CYP27A1: variants seen among roughly 807,000 people sequenced by gnomAD.
The protein encoded by CYP27A1 is cytochrome P450 family 27 subfamily A member 1.
In CYP27A1, 46 loss-of-function variants were observed where a neutral mutation model predicts 58.2. The ratio of observed to expected loss-of-function variants is 0.79; its 90% CI spans 0.62 to 1.01. The LOEUF (loss-of-function observed/expected upper bound fraction) is 1.01, where lower values mean the gene tolerates loss of function less well. Ranked by LOEUF, CYP27A1 falls within the 50% of genes least tolerant of loss-of-function variation. The pLI is 0.00. For synonymous variants in CYP27A1, 274 were observed against 285.1 expected, an observed-to-expected ratio of 0.96 and a Z score of 0.39; for missense variants, 704 against 687.0, an observed-to-expected ratio of 1.02 and a Z score of -0.28.
rs1324313458 is a variant in CYP27A1, at chr2:218,814,748, C to G, written c.1467C>G (p.Leu489=). 2 of 1,614,064 alleles carry G rather than the reference C, an allele frequency of 1.2e-6. No homozygotes were observed. The highest frequency in any genetic ancestry group is 3.3e-5 in the Admixed American group (2 of 60,026). ...RRIAELEMQL[L]LARLIQKYKV... ...TTGCAGAGCTGGAGATGCAGCTACT[C>G]CTCGCAAGGGTGAGCTGGGAGAGGC... Residue 489 remains leucine, a synonymous_variant, in exon 8 of 9, where the codon CTC becomes CTG. Transcript: ENST00000258415.
intron 1 of CYP27A1, among the ~76,000 whole-genome samples, chr2:218,795,934 C>A (rs1943543587): frequency 6.6e-6 from 1 of 152,118 alleles, no homozygotes; most frequent in Non-Finnish European, 1.5e-5. Context: ...AAAGGAAGCT[C>A]AGATAAGACC....
At chr2:218,791,565 C>T (rs1271441619) in intron 1 of CYP27A1, among the ~76,000 whole-genome samples, 3 of 152,170 alleles carry the variant, frequency 2.0e-5, no homozygotes, top group South Asian at 2.1e-4. Context: ...ATCAAGGATA[C>T]CGTCTTCTTC....
chr2:218,799,707 C>CTTT (rs142910180), intron 1 of CYP27A1, among the ~76,000 whole-genome samples: 5 of 149,136 alleles, frequency 3.4e-5, no homozygotes, highest in Admixed American at 1.3e-4. Flanking sequence ...CCTATTGTTT[C>CTTT]TTTTTTTTTT....
In CYP27A1 at chr2:218,809,749, C is replaced by T. The variant is rs753730873; in HGVS notation, c.428C>T (p.Thr143Ile). Reference protein sequence around the residue: ...WKEHRDQHDLTYGPFTTEGHH... With the variant: ...WKEHRDQHDLIYGPFTTEGHH... ...GAGCACCGGGACCAGCACGACCTGA[C>T]CTATGGGCCGTTCACCACGTGAGCT... Residue 143 changes from threonine to isoleucine, a missense_variant, in exon 2 of 9, where the codon ACC becomes ATC. Physicochemically the swap from Thr to Ile is moderately conservative, Grantham distance 89 (BLOSUM62 -1). Transcript: ENST00000258415. The T allele has an allele frequency of 1.2e-6, 2 of 1,613,438 alleles. No individual in the cohort carries two copies. Among genetic ancestry groups the T allele is most frequent in the South Asian group, 2.2e-5 (2 of 91,052 alleles).
rs200088976 is a variant in CYP27A1 at position 218,806,349 on chromosome 2, T to C, written c.256-3228T>C. Among the ~76,000 whole-genome samples, 31 of 152,350 alleles carry C rather than the reference T, an allele frequency of 2.0e-4. 1 individual carries two copies. The East Asian group carries it at 5.0e-3, about 25-fold the overall frequency. ...ACTTATTGCAGTAGTTCTCAATCTA[T>C]GGTGATTTCATCCCCCAGGGGACAT... On this transcript the variant is annotated intron_variant, in intron 1 of 8. Coordinates refer to ENST00000258415, the MANE Select transcript of CYP27A1 (RefSeq NM_000784.4).
At chr2:218,813,955 C>T (rs1199108538) in intron 5 of CYP27A1, 66 bp from the exon 6 acceptor site, 1 of 1,581,726 alleles carries the variant, frequency 6.3e-7, no homozygotes, top group African/African-American at 1.3e-5. Context: ...CCCACTCATA[C>T]ACCCTCCCAT....
intron 4 of CYP27A1, 61 bp downstream of exon 4, chr2:218,812,810 C>T (rs1230841515): frequency 6.2e-7 from 1 of 1,605,854 alleles, no homozygotes; most frequent in South Asian, 1.1e-5. Context: ...GTCTGTGCAT[C>T]AGCGGTCTCT....
Position 218,782,532 on chromosome 2 carries a change from C to T in CYP27A1, c.255+95C>T. The T allele has an allele frequency of 1.3e-6, 2 of 1,517,894 alleles. No homozygotes were observed. The highest frequency in any genetic ancestry group is 1.8e-6 in the Non-Finnish European group (2 of 1,100,462). The allele number at this position is 1,517,894 out of a possible 1,614,324, so 94.0% of individuals were successfully genotyped here. ...GACGTTGGACAGAAAGTGAAGGCTG[C>T]AGGAACTCAGCTGGGGACCCACTGA... On this transcript the variant is annotated intron_variant, in intron 1 of 8. Transcript: ENST00000258415. The surrounding 1 kb of genome is among the most constrained non-coding windows in gnomAD (Gnocchi z 4.1).
chr2:218,783,257 C>CAAAAAAAA (rs371442397), intron 1 of CYP27A1, among the ~76,000 whole-genome samples: 50 of 78,858 alleles, frequency 6.3e-4, no homozygotes, highest in South Asian at 9.5e-4. Flanking sequence ...AACTCTGTCT[C>CAAAAAAAA]AAAAAAAAAA....
intron 1 of CYP27A1, among the ~76,000 whole-genome samples, chr2:218,797,596 A>C: frequency 6.6e-6 from 1 of 152,238 alleles, no homozygotes; most frequent in South Asian, 2.1e-4. Flanking sequence ...GCCATGCATC[A>C]GGAAAGACAA....
intron 2 of CYP27A1, among the ~76,000 whole-genome samples, chr2:218,811,616 C>G (rs1409262268): frequency 6.6e-6 from 1 of 152,148 alleles, no homozygotes; most frequent in Non-Finnish European, 1.5e-5. Context: ...CAAGAGCCTA[C>G]AGCATCAGCC....
chr2:218,810,831 G>T (rs1156951508), intron 2 of CYP27A1, among the ~76,000 whole-genome samples: 2 of 152,036 alleles, frequency 1.3e-5, no homozygotes, highest in Non-Finnish European at 2.9e-5. Flanking sequence ...GGTGTTGAAG[G>T]TCATTAAAGA....
chr2:218,807,365 T>C (rs910689045), intron 1 of CYP27A1, among the ~76,000 whole-genome samples: 1 of 152,180 alleles, frequency 6.6e-6, no homozygotes, highest in Non-Finnish European at 1.5e-5. Flanking sequence ...ATGATATGGC[T>C]GGGGCACTTA....
intron 1 of CYP27A1, among the ~76,000 whole-genome samples, chr2:218,796,732 T>C (rs1943551283): frequency 1.3e-5 from 2 of 152,206 alleles, no homozygotes; most frequent in African/African-American, 4.8e-5. Flanking sequence ...CTGTAAATAA[T>C]TCAAAATAAG....
At position 218,809,519 on chromosome 2, in the gene CYP27A1, G is replaced by A. The variant is rs140484306; in HGVS notation, c.256-58G>A. 5.2e-4 allele frequency: 682 copies of A among 1,317,816 alleles called. 4 individuals are homozygous for A. The African/African-American group carries it at 0.01, about 19-fold the overall frequency. 81.6% of individuals were successfully genotyped at this position (1,317,816 alleles called of 1,614,324 possible). A position where few individuals can be genotyped will look rare whatever the true frequency, so the allele number is the denominator to read the frequency against. On this transcript the variant is annotated intron_variant, in intron 1 of 8. Coordinates refer to ENST00000258415, the MANE Select transcript of CYP27A1 (RefSeq NM_000784.4). ...CAGACCCTTCCTCACCTCATCTCCT[G>A]TCCTGGGAGCACCTGCCCAGCTTGG... is the stretch of plus-strand genomic sequence containing the variant.
intron 1 of CYP27A1, among the ~76,000 whole-genome samples, chr2:218,792,715 A>G (rs1162067430): frequency 2.0e-5 from 3 of 152,200 alleles, no homozygotes; most frequent in African/African-American, 7.2e-5. Context: ...GTGGCCTACA[A>G]TAATATAAAT....
At chr2:218,806,029 T>G (rs1182597504) in intron 1 of CYP27A1, 1 of 152,190 alleles carries the variant, frequency 6.6e-6, no homozygotes, top group Non-Finnish European at 1.5e-5. Flanking sequence ...CTGGTATTGT[T>G]TTTCTACTTT....
At chr2:218,784,936 A>G (rs185692286) in intron 1 of CYP27A1, among the ~76,000 whole-genome samples, 9 of 152,356 alleles carry the variant, frequency 5.9e-5, no homozygotes, top group Non-Finnish European at 1.0e-4. Context: ...GTTTTGTGGA[A>G]GACAATTTTT....
At chr2:218,807,094 G>A (rs1321881406) in intron 1 of CYP27A1, among the ~76,000 whole-genome samples, 1 of 151,086 alleles carries the variant, frequency 6.6e-6, no homozygotes, top group Non-Finnish European at 1.5e-5. Context: ...CAAGTAGCTG[G>A]GATTACAGGC....
Sources: allele counts gnomAD v4.1 joint callset (sites outside exome capture counted in the v4.1 genomes callset), GRCh38; gene constraint gnomAD v4.1.1; non-coding constraint Gnocchi (gnomAD v3.1); transcripts MANE v1.5; gene names NCBI Gene and HGNC (gene_info 2026-07-23, HGNC 2026-07-21).